Variants in MAF observed in about 807,000 individuals in gnomAD.
MAF encodes the protein transcription factor Maf.
In MAF, 10 loss-of-function variants were observed where a neutral mutation model predicts 22.0. The observed-to-expected ratio is 0.45, with a 90% CI of 0.28 to 0.77. MAF has a LOEUF of 0.77. Among genes scored for constraint, MAF ranks in the 30% least tolerant of loss-of-function variants. MAF has a pLI of 0.12. For missense variants in MAF, 544 were observed against 548.4 expected (o/e 0.99, Z 0.08); for synonymous variants, 337 against 255.8 (o/e 1.32, Z -3.03).
downstream of MAF, among the ~76,000 whole-genome samples, chr16:79,580,981 C>A (rs1366815697): frequency 1.3e-5 from 2 of 152,090 alleles, no homozygotes; most frequent in East Asian, 1.9e-4. Flanking sequence ...TAGGTCAACA[C>A]GGGTAAAGGA....
At chr16:79,406,403 G>A in the MAF span, among the ~76,000 whole-genome samples, 52 of 152,158 alleles carry the variant, frequency 3.4e-4, no homozygotes, top group African/African-American at 1.1e-3. Context: ...CACAGTTCTA[G>A]AGGCTGGGAA....
intron 1 of MAF, chr16:79,598,111 C>G (rs530572600): frequency 2.9e-6 from 3 of 1,042,676 alleles, no homozygotes; most frequent in Non-Finnish European, 3.5e-6. Flanking sequence ...ATTTTTTTTT[C>G]CTTTGCAAGC....
At chr16:79,459,845 T>C in the MAF span, among the ~76,000 whole-genome samples, 1 of 152,186 alleles carries the variant, frequency 6.6e-6, no homozygotes, top group Admixed American at 6.5e-5. Flanking sequence ...ATTACAGGCA[T>C]GAGCCACTGT....
the MAF span, among the ~76,000 whole-genome samples, chr16:79,377,199 T>A: frequency 6.6e-6 from 1 of 152,200 alleles, no homozygotes; most frequent in Admixed American, 6.5e-5. Flanking sequence ...TTTCCTGACT[T>A]TTTAATGATC....
chr16:79,593,073 C>G (rs1182164166), downstream of MAF, among the ~76,000 whole-genome samples: 1 of 151,668 alleles, frequency 6.6e-6, no homozygotes, highest in Non-Finnish European at 1.5e-5. Flanking sequence ...CTACCGGCAG[C>G]CAAAACAGAA....
At chr16:79,577,351 A>G in the MAF span, among the ~76,000 whole-genome samples, 2 of 152,196 alleles carry the variant, frequency 1.3e-5, no homozygotes, top group Non-Finnish European at 2.9e-5. Context: ...TGAGGGAATC[A>G]ACTGGTCGAG....
chr16:79,467,412 T>C, the MAF span, among the ~76,000 whole-genome samples: 3 of 152,328 alleles, frequency 2.0e-5, no homozygotes, highest in South Asian at 4.1e-4. Context: ...GTATATCAGG[T>C]ACTGTGCTGG....
At chr16:79,355,094 C>G in the MAF span, among the ~76,000 whole-genome samples, 1 of 152,178 alleles carries the variant, frequency 6.6e-6, no homozygotes. Flanking sequence ...TCATCTATTT[C>G]AACAGCACCG....
chr16:79,414,401 G>C, the MAF span, among the ~76,000 whole-genome samples: 8 of 152,182 alleles, frequency 5.3e-5, no homozygotes, highest in African/African-American at 1.7e-4. Context: ...GAGAAGGGAA[G>C]ATGCCAGGTT....
At chr16:79,477,191 C>A in the MAF span, among the ~76,000 whole-genome samples, 2 of 152,194 alleles carry the variant, frequency 1.3e-5, no homozygotes, top group Admixed American at 1.3e-4. Flanking sequence ...CAATGACACT[C>A]CTCTTCTTGG....
chr16:79,473,531 G>C, the MAF span, among the ~76,000 whole-genome samples: 4 of 152,212 alleles, frequency 2.6e-5, no homozygotes, highest in African/African-American at 9.6e-5. Flanking sequence ...AACAATGTCA[G>C]ATAAAATGGC....
chr16:79,466,277 T>C, the MAF span, among the ~76,000 whole-genome samples: 1 of 152,156 alleles, frequency 6.6e-6, no homozygotes, highest in Admixed American at 6.5e-5. Flanking sequence ...CCTGGCAGGC[T>C]GCAGGGTGAC....
chr16:79,521,030 A>G, the MAF span, among the ~76,000 whole-genome samples: 8 of 152,216 alleles, frequency 5.3e-5, no homozygotes, highest in African/African-American at 1.9e-4. Context: ...GCCTGGCTAT[A>G]TTAGAATTTC....
At chr16:79,473,958 G>A in the MAF span, among the ~76,000 whole-genome samples, 31 of 152,150 alleles carry the variant, frequency 2.0e-4, no homozygotes, top group Non-Finnish European at 3.5e-4. Flanking sequence ...TAAAGTGGTC[G>A]AGTGGGGAGG....
chr16:79,296,417 G>A, the MAF span, among the ~76,000 whole-genome samples: 2 of 152,150 alleles, frequency 1.3e-5, no homozygotes, highest in African/African-American at 2.4e-5. Flanking sequence ...AATGCATGCG[G>A]GGTGTAGTGC....
chr16:79,540,132 G>A, the MAF span, among the ~76,000 whole-genome samples: 1 of 152,028 alleles, frequency 6.6e-6, no homozygotes, highest in Admixed American at 6.6e-5. Flanking sequence ...GTCACCACAG[G>A]AGCATGCAGC....
chr16:79,549,498 G>A, the MAF span, among the ~76,000 whole-genome samples: 1 of 152,210 alleles, frequency 6.6e-6, no homozygotes, highest in African/African-American at 2.4e-5. Context: ...AATTCAAGGT[G>A]AAGAACTTGT....
At chr16:79,356,045 G>A in the MAF span, among the ~76,000 whole-genome samples, 10 of 151,640 alleles carry the variant, frequency 6.6e-5, no homozygotes, top group South Asian at 6.3e-4. Context: ...ATACACACAC[G>A]CACATGCACA....
the MAF span, among the ~76,000 whole-genome samples, chr16:79,450,814 G>A: frequency 6.6e-6 from 1 of 150,976 alleles, no homozygotes; most frequent in African/African-American, 2.4e-5. Flanking sequence ...AAAAAAAAAT[G>A]CAGCCACATT....
Sources: allele counts gnomAD v4.1 joint callset (sites outside exome capture counted in the v4.1 genomes callset), GRCh38; gene constraint gnomAD v4.1.1; transcripts MANE v1.5; gene names NCBI Gene and HGNC (gene_info 2026-07-23, HGNC 2026-07-21).